PTK2B: variants seen among roughly 807,000 people sequenced by gnomAD.
The protein encoded by PTK2B is protein-tyrosine kinase 2-beta.
In PTK2B, 71 loss-of-function variants were observed where a neutral mutation model predicts 142.9. That is an observed-to-expected ratio of 0.50 (90% CI 0.41 to 0.61). PTK2B has a LOEUF of 0.61. PTK2B is among the 20% of genes least tolerant of loss of function. The probability of loss-of-function intolerance (pLI) is 0.00; values close to 1 mark genes in which losing one functional copy is unlikely to be tolerated. For missense variants in PTK2B, 1,105 were observed against 1,320.4 expected, an observed-to-expected ratio of 0.84 and a Z score of 2.53; for synonymous variants, 519 against 503.4, an observed-to-expected ratio of 1.03 and a Z score of -0.42.
chr8:27,416,377 G>A (rs760120134), intron 2 of PTK2B, among the ~76,000 whole-genome samples: 2 of 152,140 alleles, frequency 1.3e-5, no homozygotes, highest in African/African-American at 2.4e-5. Context: ...AAACCTAGAT[G>A]GCCAAATGAT....
chr8:27,378,462 A>G (rs1252603226), intron 1 of PTK2B, among the ~76,000 whole-genome samples: 1 of 152,132 alleles, frequency 6.6e-6, no homozygotes, highest in Non-Finnish European at 1.5e-5. Context: ...CTCTCACCTA[A>G]TCCCCTCACC....
intron 5 of PTK2B, among the ~76,000 whole-genome samples, chr8:27,428,559 C>T (rs1406020513): frequency 6.6e-6 from 1 of 152,178 alleles, no homozygotes; most frequent in African/African-American, 2.4e-5. Context: ...GGTTTTCTAG[C>T]CTCACTACTG....
At position 27,435,757 on chromosome 8, in the gene PTK2B, G is replaced by A. The variant is rs749051595; in HGVS notation, c.1207G>A (p.Ala403Thr). The A allele has an allele frequency of 9.9e-6, 16 of 1,614,030 alleles. No homozygotes were observed. The East Asian group carries it at 1.8e-4, about 18-fold the overall frequency. ...TGTTGTTCCAGAGTCAGACATCTAC[G>A]CAGAGATTCCCGACGAAACCCTGCG... The part of the protein sequence containing the change: ...ESCSIESDIY[A>T]EIPDETLRRP... Residue 403 changes from alanine (A) to threonine (T), a missense_variant, in exon 14 of 31, where the codon GCA (alanine) becomes ACA (threonine). By Grantham distance (58) the Ala-to-Thr change is moderately conservative. Transcript: ENST00000346049.
chr8:27,390,025 G>A (rs1586217648), intron 1 of PTK2B, among the ~76,000 whole-genome samples: 1 of 152,256 alleles, frequency 6.6e-6, no homozygotes, highest in African/African-American at 2.4e-5. Flanking sequence ...GCAAGGGGAA[G>A]TGATTCAGAG....
chr8:27,442,911 G>A lies in PTK2B; in HGVS notation c.2076G>A (p.Glu692=), dbSNP rs1811242698. Residue 692 remains glutamate (E), a synonymous_variant, in exon 22 of 31, where the codon GAG becomes GAA. Transcript: ENST00000346049. Reference sequence around the variant, plus strand: ...AGATGGAGAAGGACATTGCCATGGAGCAAGAGAGGAATGCTCGCTACCGAA... The same window carrying A: ...AGATGGAGAAGGACATTGCCATGGAACAAGAGAGGAATGCTCGCTACCGAA... ...VYQMEKDIAM[E]QERNARYRTP... 1.9e-6 allele frequency: 3 copies of A among 1,614,180 alleles called. No homozygotes were observed. The highest frequency in any genetic ancestry group is 2.2e-5 in the East Asian group (1 of 44,886).
At position 27,436,277 on chromosome 8, in the gene PTK2B, G is replaced by A. The variant is rs149530445; in HGVS notation, c.1270G>A (p.Asp424Asn). 3.1e-6 allele frequency: 5 copies of A among 1,614,094 alleles called. No homozygotes were observed. In the African/African-American group the frequency reaches 5.3e-5, roughly 17 times the overall value. Residue 424 changes from aspartate to asparagine, a missense_variant, in exon 15 of 31, where the codon GAT (aspartate) becomes AAT (asparagine). Asp to Asn is a conservative substitution (Grantham distance 23). Coordinates refer to ENST00000346049, the MANE Select transcript of PTK2B (RefSeq NM_173176.3). ...TCCACAGTATGGCATTGCCCGTGAA[G>A]ATGTGGTCCTGAATCGTATTCTTGG... is the stretch of plus-strand genomic sequence containing the variant. ...GGPQYGIAREDVVLNRILGEG... is the reference protein window; with the variant it reads ...GGPQYGIARENVVLNRILGEG...
intron 24 of PTK2B, among the ~76,000 whole-genome samples, chr8:27,448,844 C>T (rs1811634999): frequency 6.6e-6 from 1 of 152,210 alleles, no homozygotes; most frequent in African/African-American, 2.4e-5. Flanking sequence ...AAAATGTCCT[C>T]ATTTTTGAGT....
intron 1 of PTK2B, among the ~76,000 whole-genome samples, chr8:27,382,896 T>A (rs1479948203): frequency 6.6e-6 from 1 of 152,222 alleles, no homozygotes; most frequent in East Asian, 1.9e-4. Flanking sequence ...TTCTCTATTC[T>A]GTTTCATTTG....
intron 1 of PTK2B, among the ~76,000 whole-genome samples, chr8:27,347,433 A>G (rs1804783050): frequency 6.6e-6 from 1 of 152,188 alleles, no homozygotes; most frequent in South Asian, 2.1e-4. Flanking sequence ...AGAAAGTACC[A>G]CAGACTGGGC....
intron 1 of PTK2B, among the ~76,000 whole-genome samples, chr8:27,332,992 A>G (rs1312369162): frequency 1.3e-5 from 2 of 152,376 alleles, no homozygotes; most frequent in East Asian, 3.9e-4. Flanking sequence ...ACTTAAAGGT[A>G]AATAATGTGC....
At chr8:27,394,045 A>G (rs187797945) in intron 1 of PTK2B, among the ~76,000 whole-genome samples, 5 of 152,312 alleles carry the variant, frequency 3.3e-5, no homozygotes, top group Admixed American at 2.0e-4. Flanking sequence ...CCCAGATGCT[A>G]CAGTCTACTA....
intron 5 of PTK2B, among the ~76,000 whole-genome samples, chr8:27,424,647 TG>T (rs1175112586): frequency 6.6e-6 from 1 of 152,192 alleles, no homozygotes; most frequent in Non-Finnish European, 1.5e-5. Flanking sequence ...TGCAGTTATT[TG>T]TTATGATGAG....
chr8:27,341,195 T>C (rs1203051224), intron 1 of PTK2B, among the ~76,000 whole-genome samples: 1 of 152,182 alleles, frequency 6.6e-6, no homozygotes, highest in Non-Finnish European at 1.5e-5. Flanking sequence ...GTACCATCCA[T>C]TTGTGCCTGG....
In PTK2B at chr8:27,393,634, T is replaced by C. The variant is rs1479094565; in HGVS notation, c.-37-3914T>C. On this transcript the variant is annotated intron_variant, in intron 1 of 30. Transcript: ENST00000346049. ...CCAGGCTGCGGAATGGGAGGACAAC[T>C]ATCAGGGTGTGGTTTCTCATTGCTA... Among the ~76,000 whole-genome samples, 3 of 152,178 alleles carry C rather than the reference T, an allele frequency of 2.0e-5. No individual in the cohort carries two copies. In the East Asian group the frequency reaches 5.8e-4, roughly 29 times the overall value.
intron 15 of PTK2B, 79 bp from the exon 16 acceptor site, chr8:27,437,043 G>A: frequency 1.5e-6 from 2 of 1,376,980 alleles, no homozygotes; most frequent in Non-Finnish European, 2.1e-6. Flanking sequence ...ATCTGCAGGA[G>A]GCCATGGGGA....
chr8:27,326,260 G>A (rs936950914), intron 1 of PTK2B, among the ~76,000 whole-genome samples: 19 of 137,846 alleles, frequency 1.4e-4, no homozygotes, highest in Admixed American at 1.1e-3. Flanking sequence ...GTGTGTGTGT[G>A]TAGTTAACAC....
intron 29 of PTK2B, 72 bp downstream of exon 29, chr8:27,454,363 C>G: frequency 6.3e-7 from 1 of 1,577,460 alleles, no homozygotes; most frequent in Non-Finnish European, 8.6e-7. Context: ...GACTGCGCTT[C>G]CTGTTGGCTG....
In PTK2B at chr8:27,363,265, T is replaced by C. The variant is rs973913031; in HGVS notation, c.-37-34283T>C. Among the ~76,000 whole-genome samples, 1 of 151,858 alleles carries C rather than the reference T, an allele frequency of 6.6e-6. No homozygotes were observed. Among genetic ancestry groups the C allele is most frequent in the Non-Finnish European group, 1.5e-5 (1 of 67,956 alleles). ...CAGAGAGGACGTCTCGTGAGAAGTG[T>C]TTGGAGGAACTGAGGCAGGTCCAGG... On this transcript the variant is annotated intron_variant, in intron 1 of 30. Coordinates refer to ENST00000346049, the MANE Select transcript of PTK2B (RefSeq NM_173176.3). This position sits in a 1 kb window ranked among gnomAD's most constrained non-coding sequence, Gnocchi z 4.3.
At chr8:27,331,466 T>C (rs1348981101) in intron 1 of PTK2B, among the ~76,000 whole-genome samples, 1 of 86,084 alleles carries the variant, frequency 1.2e-5, no homozygotes, top group Non-Finnish European at 3.0e-5. Flanking sequence ...CTGGTTTTTT[T>C]TTTTCTTTTC....
Sources: gnomAD v4.1 joint callset for allele counts (sites outside exome capture counted in the v4.1 genomes callset) on GRCh38, gnomAD v4.1.1 for gene constraint, Gnocchi (gnomAD v3.1) non-coding constraint, MANE v1.5 for transcripts, NCBI Gene and HGNC (gene_info 2026-07-23, HGNC 2026-07-21) for gene names.